The following RHNO1 variants were observed in gnomAD, a reference collection of about 807,000 sequenced individuals.
RHNO1 encodes the protein RAD9-HUS1-RAD1 interacting nuclear orphan 1.
A neutral mutation model predicts 7.2 loss-of-function variants in RHNO1; 9 were observed. The observed-to-expected ratio is 1.25, with a 90% CI of 0.75 to 2.18. The LOEUF (loss-of-function observed/expected upper bound fraction) is 2.18. Among genes scored for constraint, RHNO1 ranks in the 30% most tolerant of loss-of-function variants. RHNO1 has a pLI of 0.00. For missense variants in RHNO1, 292 were observed against 284.5 expected, an observed-to-expected ratio of 1.03 and a Z score of -0.19; for synonymous variants, 95 against 107.5, an observed-to-expected ratio of 0.88 and a Z score of 0.72.
chr12:2,885,636 G>C (rs143245609), intron 2 of RHNO1, 102 bp downstream of exon 2: 1 of 1,050,354 alleles, frequency 9.5e-7, no homozygotes, highest in Non-Finnish European at 1.3e-6. Context: ...GCACAGTGGC[G>C]CGATCTTGGC....
chr12:2,880,045 G>T (rs565451973), intron 1 of RHNO1, among the ~76,000 whole-genome samples: 1 of 152,182 alleles, frequency 6.6e-6, no homozygotes, highest in African/African-American at 2.4e-5. Context: ...GCAGGGTGTG[G>T]TGATTCACAT....
intron 1 of RHNO1, among the ~76,000 whole-genome samples, chr12:2,878,296 G>C (rs1187955066): frequency 1.3e-5 from 2 of 152,192 alleles, no homozygotes; most frequent in African/African-American, 4.8e-5. Flanking sequence ...TGAGAGCTTG[G>C]TGTGAGATCT....
At chr12:2,885,078 C>A in intron 1 of RHNO1, 1 of 328,650 alleles carries the variant, frequency 3.0e-6, no homozygotes. Context: ...TCCCAGCACC[C>A]AGCATGACAC....
chr12:2,888,718 T>G lies in RHNO1; in HGVS notation c.*259T>G. On this transcript the variant is annotated 3_prime_UTR_variant, in exon 3 of 3. Coordinates refer to ENST00000489288, the MANE Select transcript of RHNO1 (RefSeq NM_001252499.3). Reference sequence around the variant, plus strand: ...AATTTTTTTGTATTTTTAGTAGAGATGTGGTTTCTCCATGTTGGCCAGGCT... The same window carrying G: ...AATTTTTTTGTATTTTTAGTAGAGAGGTGGTTTCTCCATGTTGGCCAGGCT... 1 of 315,912 alleles carries G rather than the reference T, an allele frequency of 3.2e-6. No individual in the cohort carries two copies. The highest frequency in any genetic ancestry group is 5.8e-6 in the Non-Finnish European group (1 of 172,162). The allele number at this position is 315,912 out of a possible 1,614,324, so 19.6% of individuals were successfully genotyped here.
intron 1 of RHNO1, 131 bp from the exon 2 acceptor site, chr12:2,885,152 G>T: frequency 2.1e-6 from 1 of 485,416 alleles, no homozygotes; most frequent in Non-Finnish European, 3.6e-6. Flanking sequence ...GTTTTGCTTG[G>T]TGGTTGTAGG....
At chr12:2,877,461 C>A (rs1565484113) in intron 1 of RHNO1, among the ~76,000 whole-genome samples, 179 bp downstream of exon 1, 2 of 152,208 alleles carry the variant, frequency 1.3e-5, no homozygotes, top group Non-Finnish European at 2.9e-5. Flanking sequence ...TCACGCCAGG[C>A]GACACGCCCC....
chr12:2,884,812 A>G (rs2098163341), intron 1 of RHNO1, among the ~76,000 whole-genome samples: 1 of 151,384 alleles, frequency 6.6e-6, no homozygotes, highest in African/African-American at 2.4e-5. Flanking sequence ...CTTTGTGTAC[A>G]CTGTTCCTCA....
intron 1 of RHNO1, among the ~76,000 whole-genome samples, chr12:2,883,511 A>ATAAATATATATTT (rs2098161542): frequency 3.7e-5 from 1 of 26,826 alleles, no homozygotes; most frequent in African/African-American, 1.7e-4. Flanking sequence ...ATATATATAT[A>ATAAATATATATTT]TTTTTTTTTT....
At chr12:2,886,850 AG>A (rs2153946065) in intron 2 of RHNO1, 1 of 418,208 alleles carries the variant, frequency 2.4e-6, no homozygotes, top group South Asian at 1.6e-5. Context: ...CCTAAACATC[AG>A]AATCCTGTGG....
intron 1 of RHNO1, among the ~76,000 whole-genome samples, chr12:2,878,318 CAAAG>C (rs2098151575): frequency 6.6e-6 from 1 of 150,664 alleles, no homozygotes; most frequent in African/African-American, 2.5e-5. Context: ...ATGCCTTTTA[CAAAG>C]AAAGGAGGGA....
chr12:2,882,565 T>C (rs899285693), intron 1 of RHNO1, among the ~76,000 whole-genome samples: 5 of 151,804 alleles, frequency 3.3e-5, no homozygotes, highest in South Asian at 2.1e-4. Flanking sequence ...TAGCCAAGCA[T>C]TGTGGCAGGT....
chr12:2,884,350 C>T (rs2098162813), intron 1 of RHNO1, among the ~76,000 whole-genome samples: 1 of 152,234 alleles, frequency 6.6e-6, no homozygotes, highest in Non-Finnish European at 1.5e-5. Flanking sequence ...CCTCAGCCTC[C>T]TGAGTAGCTG....
At chr12:2,876,756 C>T (rs1037879597), upstream of RHNO1, among the ~76,000 whole-genome samples, 1 of 152,168 alleles carries the variant, frequency 6.6e-6, no homozygotes, top group South Asian at 2.1e-4. Context: ...AGGAGGTGGA[C>T]GCAGAAAAAA....
At chr12:2,887,848 TAC>T (rs2098167385) in intron 2 of RHNO1, 61 bp from the exon 3 acceptor site, 1 of 1,341,488 alleles carries the variant, frequency 7.5e-7, no homozygotes, top group African/African-American at 1.5e-5. Context: ...GGTCATCAGA[TAC>T]AGTTTCCTCT....
intron 2 of RHNO1, chr12:2,885,823 C>T: frequency 4.8e-6 from 1 of 207,582 alleles, no homozygotes; most frequent in East Asian, 1.2e-4. Context: ...GATCCGCCCG[C>T]CTCGGCCTCC....
At chr12:2,885,220 G>A (rs933224092) in intron 1 of RHNO1, 63 bp from the exon 2 acceptor site, 1 of 723,966 alleles carries the variant, frequency 1.4e-6, no homozygotes, top group African/African-American at 1.8e-5. Flanking sequence ...GCTGGCAGAG[G>A]ATCAGGAAGA....
chr12:2,887,863 T>C, intron 2 of RHNO1, 48 bp from the exon 3 acceptor site: 2 of 1,449,514 alleles, frequency 1.4e-6, no homozygotes, highest in African/African-American at 1.4e-5. Flanking sequence ...TTTCCTCTCT[T>C]AGGTTAGTAC....
chr12:2,883,324 C>T (rs944851307), intron 1 of RHNO1, among the ~76,000 whole-genome samples: 2 of 148,904 alleles, frequency 1.3e-5, no homozygotes, highest in African/African-American at 2.5e-5. Context: ...TGTGGTGAGC[C>T]ATGATCATGC....
chr12:2,887,736 G>A (rs117038179), intron 2 of RHNO1, among the ~76,000 whole-genome samples, 175 bp from the exon 3 acceptor site: 143 of 152,242 alleles, frequency 9.4e-4, no homozygotes, highest in Non-Finnish European at 1.7e-3. Context: ...GCTGAAGGCC[G>A]GAGAGATGGA....
Sources: gnomAD v4.1 joint callset for allele counts (sites outside exome capture counted in the v4.1 genomes callset) on GRCh38, gnomAD v4.1.1 for gene constraint, MANE v1.5 for transcripts, NCBI Gene and HGNC (gene_info 2026-07-23, HGNC 2026-07-21) for gene names.